The following LOC112694756 variants were observed in gnomAD, a reference collection of about 807,000 sequenced individuals.
chr16:30,064,913 A>G, the LOC112694756 span: 1 of 165,756 alleles, frequency 6.0e-6, no homozygotes, highest in Non-Finnish European at 1.3e-5. Flanking sequence ...TCTGGGAGGC[A>G]GATCAGTTCG....
At chr16:30,070,299 G>T in the LOC112694756 span, 6 of 1,372,454 alleles carry the variant, frequency 4.4e-6, no homozygotes, top group Non-Finnish European at 6.2e-6. Context: ...GGGGCTCCAG[G>T]CTGGCTTGCC....
the LOC112694756 span, chr16:30,064,349 G>T: frequency 2.5e-6 from 1 of 398,804 alleles, no homozygotes; most frequent in South Asian, 1.3e-4. Flanking sequence ...GGAGGAGGGA[G>T]ATTAGAGAAG....
the LOC112694756 span, chr16:30,063,923 G>A: frequency 2.5e-6 from 1 of 399,056 alleles, no homozygotes; most frequent in Non-Finnish European, 4.4e-6. Flanking sequence ...CTTTCCCCAC[G>A]CCACTGGAAC....
the LOC112694756 span, chr16:30,069,914 C>T: frequency 4.3e-6 from 7 of 1,614,032 alleles, no homozygotes; most frequent in African/African-American, 4.0e-5. Flanking sequence ...CTGCTGAAGC[C>T]CTGGGCCCTG....
At chr16:30,068,551 T>G in the LOC112694756 span, 405 of 1,362,420 alleles carry the variant, frequency 3.0e-4, no homozygotes, top group Middle Eastern at 3.8e-4. Context: ...TTCAGTGAGC[T>G]GAGATTCCAC....
chr16:30,062,342 A>C, the LOC112694756 span, among the ~76,000 whole-genome samples: 1 of 152,052 alleles, frequency 6.6e-6, no homozygotes, highest in Non-Finnish European at 1.5e-5. Flanking sequence ...CCTGGGCAAC[A>C]TGATGAAACC....
At chr16:30,070,325 C>T in the LOC112694756 span, 4 of 962,424 alleles carry the variant, frequency 4.2e-6, no homozygotes, top group Non-Finnish European at 3.3e-6. Context: ...TCTTTCTTCC[C>T]TCGTGACAGT....
the LOC112694756 span, chr16:30,054,808 A>C: frequency 2.5e-6 from 1 of 398,140 alleles, no homozygotes; most frequent in Non-Finnish European, 4.4e-6. Flanking sequence ...GTGGAATCCA[A>C]CCCCGGCTCC....
At chr16:30,069,007 C>G in the LOC112694756 span, 1 of 1,613,972 alleles carries the variant, frequency 6.2e-7, no homozygotes, top group South Asian at 1.1e-5. Flanking sequence ...AATAGGCAAC[C>G]TCCTACCTCA....
the LOC112694756 span, among the ~76,000 whole-genome samples, chr16:30,057,827 A>G: frequency 1.3e-5 from 2 of 151,980 alleles, no homozygotes; most frequent in Non-Finnish European, 2.9e-5. Context: ...GCTACTGGAA[A>G]GGCTGAGGCA....
At chr16:30,067,175 T>TC in the LOC112694756 span, 1 of 1,608,988 alleles carries the variant, frequency 6.2e-7, no homozygotes, top group Non-Finnish European at 8.5e-7. Flanking sequence ...GCCCTGGTCA[T>TC]CGGGAGATGA....
the LOC112694756 span, chr16:30,070,288 C>CTTCAA: frequency 6.8e-7 from 1 of 1,461,714 alleles, no homozygotes; most frequent in Non-Finnish European, 9.6e-7. Context: ...GCCGCCTCCT[C>CTTCAA]GGGGCTCCAG....
At chr16:30,063,788 G>A in the LOC112694756 span, 1 of 399,400 alleles carries the variant, frequency 2.5e-6, no homozygotes, top group Non-Finnish European at 4.4e-6. Context: ...GTACGTGCCA[G>A]CTCCCCGACT....
the LOC112694756 span, chr16:30,069,245 G>C: frequency 6.4e-7 from 1 of 1,560,388 alleles, no homozygotes; most frequent in Admixed American, 1.7e-5. Flanking sequence ...TGGCTGTGGA[G>C]AGATGTAGGT....
chr16:30,061,654 G>A, the LOC112694756 span, among the ~76,000 whole-genome samples: 1 of 136,676 alleles, frequency 7.3e-6, no homozygotes, highest in Non-Finnish European at 1.5e-5. Context: ...CTGCCTCCCA[G>A]GCTCAAGCGA....
chr16:30,062,478 G>A, the LOC112694756 span, among the ~76,000 whole-genome samples: 1 of 148,094 alleles, frequency 6.8e-6, no homozygotes, highest in Non-Finnish European at 1.5e-5. Flanking sequence ...GTTGCAGTGA[G>A]CCGAGACCGC....
At chr16:30,066,993 C>T in the LOC112694756 span, 1 of 1,562,068 alleles carries the variant, frequency 6.4e-7, no homozygotes, top group South Asian at 1.2e-5. Context: ...GTGGGCAACT[C>T]CACCCTCAGC....
chr16:30,059,528 CTCTT>C, the LOC112694756 span, among the ~76,000 whole-genome samples: 15 of 150,116 alleles, frequency 1.0e-4, no homozygotes, highest in South Asian at 4.2e-4. Flanking sequence ...AATAATATCT[CTCTT>C]TCTTTTTTTT....
At chr16:30,070,380 G>A in the LOC112694756 span, 47 of 657,050 alleles carry the variant, frequency 7.2e-5, no homozygotes, top group Non-Finnish European at 1.1e-4. Flanking sequence ...CACCCTTTCC[G>A]GCACACTGCC....
Sources: gnomAD v4.1 joint callset for allele counts (sites outside exome capture counted in the v4.1 genomes callset) on GRCh38, gnomAD v4.1.1 for gene constraint, MANE v1.5 for transcripts.